The following TTC23 variants were observed in gnomAD, a reference collection of about 807,000 sequenced individuals.
TTC23 encodes tetratricopeptide repeat protein 23.
TTC23 carries 58 observed loss-of-function variants against 55.1 expected under a neutral mutation model. The ratio of observed to expected loss-of-function variants is 1.05; its 90% CI spans 0.85 to 1.31. The LOEUF is 1.31. Ranked by LOEUF, TTC23 falls within the 50% of genes most tolerant of loss-of-function variation. The pLI, the probability that TTC23 is intolerant of heterozygous loss-of-function variation, is 0.00. For synonymous variants in TTC23, 203 were observed against 199.9 expected (o/e 1.02, Z -0.13); for missense variants, 516 against 534.4 (o/e 0.97, Z 0.34).
intron 5 of TTC23, among the ~76,000 whole-genome samples, chr15:99,226,778 C>T (rs534527554): frequency 3.3e-5 from 5 of 152,244 alleles, no homozygotes; most frequent in South Asian, 4.1e-4. Flanking sequence ...TTATCTGTCA[C>T]GTCTTCCTGG....
chr15:99,197,015 A>G (rs1311427477), intron 9 of TTC23, among the ~76,000 whole-genome samples: 2 of 152,006 alleles, frequency 1.3e-5, no homozygotes, highest in Non-Finnish European at 2.9e-5. Context: ...TCTTCCCCCA[A>G]AAGCATCTCA....
chr15:99,137,317 G>A lies in TTC23; in HGVS notation c.*693C>T, dbSNP rs2067668140. The stretch of plus-strand genomic sequence containing the variant: ...CCAGGTTTGTCCTGCCTGCAGTGGA[G>A]GCCACAGGAGGGATGCGAAGCAGCA... On this transcript the variant is annotated 3_prime_UTR_variant, in exon 14 of 14. Coordinates refer to ENST00000394132, the MANE Select transcript of TTC23 (RefSeq NM_001288615.3). The A allele has an allele frequency of 6.6e-6, 1 of 152,322 alleles. No homozygotes were observed. Among genetic ancestry groups the A allele is most frequent in the South Asian group, 2.1e-4 (1 of 4,834 alleles). 9.4% of individuals were successfully genotyped at this position (152,322 alleles called of 1,614,324 possible).
Position 99,219,060 on chromosome 15 carries a change from G to A in TTC23, c.305-12C>T, listed in dbSNP as rs1178226345. The A allele has an allele frequency of 6.2e-7, 1 of 1,610,504 alleles. No individual in the cohort carries two copies. Among genetic ancestry groups the A allele is most frequent in the Non-Finnish European group, 8.5e-7 (1 of 1,178,912 alleles). The stretch of plus-strand genomic sequence containing the variant: ...TTGCAGTGACAGTCCTGTGGACAAA[G>A]AAAAAGAGGTCTCAGTTTCTCTATC... On this transcript the variant is annotated splice_polypyrimidine_tract_variant and intron_variant, in intron 6 of 13. Coordinates refer to ENST00000394132, the MANE Select transcript of TTC23 (RefSeq NM_001288615.3).
intron 12 of TTC23, among the ~76,000 whole-genome samples, chr15:99,145,953 A>G (rs2068808616): frequency 6.6e-6 from 1 of 152,130 alleles, no homozygotes; most frequent in African/African-American, 2.4e-5. Context: ...CGCCCTGAGT[A>G]TCTCCTGGGT....
chr15:99,142,520 T>G (rs1351780503), intron 12 of TTC23, among the ~76,000 whole-genome samples: 1 of 152,164 alleles, frequency 6.6e-6, no homozygotes, highest in Non-Finnish European at 1.5e-5. Flanking sequence ...ACTGTGGCAT[T>G]AGAGTTTTAC....
chr15:99,203,134 G>T (rs2076330845), intron 8 of TTC23, among the ~76,000 whole-genome samples: 1 of 152,078 alleles, frequency 6.6e-6, no homozygotes, highest in African/African-American at 2.4e-5. Context: ...CAGAGAAACT[G>T]ATTGGAACTA....
intron 13 of TTC23, among the ~76,000 whole-genome samples, chr15:99,138,579 C>G (rs2067827597): frequency 6.6e-6 from 1 of 152,218 alleles, no homozygotes; most frequent in African/African-American, 2.4e-5. Context: ...TCCCAAGGTG[C>G]TGGGATTATA....
chr15:99,156,260 T>C lies in TTC23; in HGVS notation c.1031A>G (p.Lys344Arg). Residue 344 changes from lysine (K) to arginine (R), a missense_variant, in exon 12 of 14, where the codon AAA (lysine) becomes AGA (arginine). Coordinates refer to ENST00000394132, the MANE Select transcript of TTC23 (RefSeq NM_001288615.3). ...TSILRESLEA[K>R]VEAFGDFSPE... ...ACTGAAATCGCCAAATGCTTCCACT[T>C]TGGCTTCCAGGGACTCTCTCAGGAT... 6.2e-7 allele frequency: 1 copy of C among 1,614,234 alleles called. No individual in the cohort carries two copies. Among genetic ancestry groups the C allele is most frequent in the Non-Finnish European group, 8.5e-7 (1 of 1,180,050 alleles).
At chr15:99,143,842 C>A (rs1468467389) in intron 12 of TTC23, among the ~76,000 whole-genome samples, 3 of 152,298 alleles carry the variant, frequency 2.0e-5, no homozygotes, top group Non-Finnish European at 4.4e-5. Context: ...CCTTGCACAA[C>A]CCCTGGCACA....
chr15:99,156,059 A>G (rs2070502506), intron 12 of TTC23, 89 bp downstream of exon 12: 4 of 1,561,014 alleles, frequency 2.6e-6, no homozygotes, highest in Non-Finnish European at 3.5e-6. Context: ...CTAAAGTTTC[A>G]TTTAAAAGAA....
At chr15:99,214,759 A>G (rs2077324715) in intron 8 of TTC23, among the ~76,000 whole-genome samples, 2 of 151,008 alleles carry the variant, frequency 1.3e-5, no homozygotes, top group Admixed American at 1.3e-4. Flanking sequence ...TCATTTTCTG[A>G]TAACTGATAA....
chr15:99,176,622 C>T (rs777763240), intron 9 of TTC23, among the ~76,000 whole-genome samples: 1 of 152,134 alleles, frequency 6.6e-6, no homozygotes, highest in Non-Finnish European at 1.5e-5. Context: ...TACACAAATA[C>T]ACACAAAAAG....
intron 5 of TTC23, among the ~76,000 whole-genome samples, chr15:99,225,144 G>A (rs547414184): frequency 6.6e-6 from 1 of 152,310 alleles, no homozygotes; most frequent in African/African-American, 2.4e-5. Context: ...GGGCTTCCCT[G>A]ATAATAGCCT....
intron 10 of TTC23, among the ~76,000 whole-genome samples, chr15:99,166,233 C>G (rs1049329409): frequency 2.3e-4 from 35 of 152,322 alleles, no homozygotes; most frequent in African/African-American, 7.9e-4. Context: ...CCGCACCTCA[C>G]ATCTTTCTAG....
At chr15:99,229,275 C>T (rs1246367800) in intron 4 of TTC23, among the ~76,000 whole-genome samples, 2 of 152,114 alleles carry the variant, frequency 1.3e-5, no homozygotes, top group Non-Finnish European at 2.9e-5. Context: ...ACAACTTTTG[C>T]TTCTGGCCAA....
chr15:99,178,512 C>A (rs2073821206), intron 9 of TTC23, among the ~76,000 whole-genome samples: 4 of 152,178 alleles, frequency 2.6e-5, no homozygotes, highest in Admixed American at 2.6e-4. Flanking sequence ...TTTTTAAATG[C>A]TTTCTACATG....
intron 1 of TTC23, among the ~76,000 whole-genome samples, chr15:99,247,758 AATTTTCTAG>A (rs1157106245): frequency 6.6e-6 from 1 of 151,850 alleles, no homozygotes; most frequent in Non-Finnish European, 1.5e-5. Flanking sequence ...AAATTTTCTA[AATTTTCTAG>A]GATGATGAAA....
chr15:99,181,732 T>C (rs2074136104), intron 9 of TTC23, among the ~76,000 whole-genome samples: 1 of 152,120 alleles, frequency 6.6e-6, no homozygotes, highest in African/African-American at 2.4e-5. Flanking sequence ...ACACACCCCT[T>C]GGAGGCCTGG....
At chr15:99,214,837 C>T (rs1432063871) in intron 8 of TTC23, among the ~76,000 whole-genome samples, 1 of 147,506 alleles carries the variant, frequency 6.8e-6, no homozygotes, top group African/African-American at 2.5e-5. Flanking sequence ...GTTTCCTGCC[C>T]ATCTTTCTTT....
Sources: allele counts gnomAD v4.1 joint callset (sites outside exome capture counted in the v4.1 genomes callset), GRCh38; gene constraint gnomAD v4.1.1; transcripts MANE v1.5; gene names NCBI Gene and HGNC (gene_info 2026-07-23, HGNC 2026-07-21).